The following AUH variants were observed in gnomAD, a reference collection of about 807,000 sequenced individuals.
AUH encodes AU RNA binding methylglutaconyl-CoA hydratase.
A neutral mutation model predicts 42.3 loss-of-function variants in AUH; 29 were observed. That is an observed-to-expected ratio of 0.69 (90% CI 0.51 to 0.93). The LOEUF (loss-of-function observed/expected upper bound fraction) is 0.93, where lower values mean the gene tolerates loss of function less well. AUH is among the 40% of genes least tolerant of loss of function. The pLI is 0.00. For synonymous variants in AUH, 174 were observed against 166.4 expected (o/e 1.05, Z -0.35); for missense variants, 452 against 438.1 (o/e 1.03, Z -0.28).
chr9:91,257,831 A>G (rs1733729965), intron 6 of AUH, among the ~76,000 whole-genome samples: 2 of 152,374 alleles, frequency 1.3e-5, no homozygotes, highest in South Asian at 4.1e-4. Context: ...ATTGCACTGC[A>G]TCTACAGATT....
At chr9:91,347,212 T>TTTTGTTTGTTTGTTTGTTTG (rs145405829) in intron 3 of AUH, among the ~76,000 whole-genome samples, 2 of 150,062 alleles carry the variant, frequency 1.3e-5, no homozygotes, top group African/African-American at 4.9e-5. Flanking sequence ...TAAGAGGGTT[T>TTTTGTTTGTTTGTTTGTTTG]TTTGTTTGTT....
intron 6 of AUH, among the ~76,000 whole-genome samples, chr9:91,248,276 C>T (rs1828907865): frequency 6.6e-6 from 1 of 152,226 alleles, no homozygotes; most frequent in Non-Finnish European, 1.5e-5. Flanking sequence ...CCTTGATTAA[C>T]TGCCTTTGCA....
chr9:91,225,110 T>C (rs536276047), intron 6 of AUH, among the ~76,000 whole-genome samples: 3 of 152,352 alleles, frequency 2.0e-5, no homozygotes, highest in South Asian at 4.1e-4. Context: ...ACGCATTTTC[T>C]ATAATTAAAC....
At chr9:91,349,734 G>C (rs1260725318) in intron 3 of AUH, among the ~76,000 whole-genome samples, 2 of 152,094 alleles carry the variant, frequency 1.3e-5, no homozygotes, top group South Asian at 4.1e-4. Context: ...GGGAGAGAGA[G>C]AGAAGGTAAA....
chr9:91,262,481 A>C (rs972469826), intron 6 of AUH, among the ~76,000 whole-genome samples: 2 of 152,184 alleles, frequency 1.3e-5, no homozygotes, highest in Non-Finnish European at 2.9e-5. Flanking sequence ...ACATGGCCCC[A>C]AACACTGTGA....
At chr9:91,279,867 G>C (rs1825828418) in intron 6 of AUH, among the ~76,000 whole-genome samples, 1 of 152,216 alleles carries the variant, frequency 6.6e-6, no homozygotes, top group Non-Finnish European at 1.5e-5. Flanking sequence ...CTAGTCATCA[G>C]ATGTTTAACC....
intron 4 of AUH, among the ~76,000 whole-genome samples, chr9:91,301,785 GTA>G (rs756941341): frequency 1.1e-4 from 17 of 152,086 alleles, no homozygotes; most frequent in African/African-American, 3.6e-4. Flanking sequence ...TAAGAAATAC[GTA>G]ACACAAAATG....
intron 6 of AUH, among the ~76,000 whole-genome samples, chr9:91,293,526 CTAACTCTCTTTAACTATAACTCT>C (rs1326654659): frequency 6.6e-6 from 1 of 152,248 alleles, no homozygotes; most frequent in Non-Finnish European, 1.5e-5. Flanking sequence ...GAGCAAAGCC[CTAACTCTCTTTAACTATAACTCT>C]TAACTCTCTT....
chr9:91,277,342 T>C (rs1825626041), intron 6 of AUH, among the ~76,000 whole-genome samples: 1 of 152,142 alleles, frequency 6.6e-6, no homozygotes, highest in Non-Finnish European at 1.5e-5. Context: ...CTGTCAACAA[T>C]GGAAAATCTA....
chr9:91,361,513 G>A, intron 1 of AUH, 115 bp downstream of exon 1: 1 of 1,415,238 alleles, frequency 7.1e-7, no homozygotes, highest in Non-Finnish European at 9.4e-7. Flanking sequence ...ACCCAGGTTC[G>A]GTGCGCCTGC....
intron 3 of AUH, among the ~76,000 whole-genome samples, chr9:91,338,454 A>T (rs1274823948): frequency 6.6e-6 from 1 of 152,196 alleles, no homozygotes; most frequent in Non-Finnish European, 1.5e-5. Context: ...AGGGGGACAG[A>T]GTCTCGCTGT....
At chr9:91,345,832 C>A (rs371931795) in intron 3 of AUH, among the ~76,000 whole-genome samples, 816 of 93,748 alleles carry the variant, frequency 8.7e-3, no homozygotes, top group Middle Eastern at 0.017. Flanking sequence ...GACTCCATCG[C>A]AAAAAAAAAA....
At chr9:91,347,212 T>TTTGTTTGTTTG (rs1831580838) in intron 3 of AUH, among the ~76,000 whole-genome samples, 15 of 150,182 alleles carry the variant, frequency 1.0e-4, no homozygotes, top group South Asian at 6.4e-4. Flanking sequence ...TAAGAGGGTT[T>TTTGTTTGTTTG]TTTGTTTGTT....
intron 4 of AUH, 123 bp from the exon 5 acceptor site, chr9:91,298,199 C>A (rs1013250904): frequency 2.8e-6 from 2 of 722,364 alleles, no homozygotes; most frequent in Admixed American, 4.5e-5. Flanking sequence ...ACTTTTGTAT[C>A]CCTTTTACCT....
At position 91,265,524 on chromosome 9, in the gene AUH, G is replaced by C. The variant is rs79876348; in HGVS notation, c.655+30497C>G. 2.0e-5 allele frequency among the ~76,000 whole-genome samples: 3 copies of C among 152,186 alleles called. 1 individual carries two copies. The highest frequency in any genetic ancestry group is 7.2e-5 in the African/African-American group (3 of 41,492). ...GTGTTCTTTAAGATAGTAACACCAG[G>C]AGAGTGGGAACTGTTCTCCTCCACT... On this transcript the variant is annotated intron_variant, in intron 6 of 9. Transcript: ENST00000375731.
At chr9:91,228,230 A>C (rs996052394) in intron 6 of AUH, among the ~76,000 whole-genome samples, 11 of 152,192 alleles carry the variant, frequency 7.2e-5, no homozygotes, top group Non-Finnish European at 1.0e-4. Flanking sequence ...ACAATTTCAC[A>C]TCCTGTTATT....
rs1338761699 is a variant in AUH, at chr9:91,227,866, C to T, written c.656-6874G>A. Among the ~76,000 whole-genome samples, 17 of 151,596 alleles carry T rather than the reference C, an allele frequency of 1.1e-4. No individual in the cohort carries two copies. The South Asian group carries it at 1.9e-3, about 17-fold the overall frequency. ...GTGCTGGATTACATTTATTGATTTG[C>T]GTATATTGAACCAGCCTTGCATCCC... On this transcript the variant is annotated intron_variant, in intron 6 of 9. Transcript: ENST00000375731.
At chr9:91,252,929 T>C (rs566555585) in intron 6 of AUH, among the ~76,000 whole-genome samples, 1 of 152,350 alleles carries the variant, frequency 6.6e-6, no homozygotes, top group East Asian at 1.9e-4. Context: ...GTAGTAGTTG[T>C]TAATACCAGT....
intron 3 of AUH, among the ~76,000 whole-genome samples, chr9:91,326,008 T>G (rs931867909): frequency 6.6e-6 from 1 of 152,150 alleles, no homozygotes; most frequent in African/African-American, 2.4e-5. Flanking sequence ...AATTATGACT[T>G]TAGCACAGAA....
Sources: allele counts gnomAD v4.1 joint callset (sites outside exome capture counted in the v4.1 genomes callset), GRCh38; gene constraint gnomAD v4.1.1; transcripts MANE v1.5; gene names NCBI Gene and HGNC (gene_info 2026-07-23, HGNC 2026-07-21).